Variants in ATP2A3 observed in about 807,000 individuals in gnomAD.
The protein encoded by ATP2A3 is ATPase sarcoplasmic/endoplasmic reticulum Ca2+ transporting 3, also known as sarcoplasmic/endoplasmic reticulum calcium ATPase 3.
In ATP2A3, 61 loss-of-function variants were observed where a neutral mutation model predicts 106.8. The observed-to-expected ratio is 0.57, with a 90% confidence interval of 0.46 to 0.71. ATP2A3 has a LOEUF of 0.71. Among genes scored for constraint, ATP2A3 ranks in the 30% least tolerant of loss-of-function variants. The pLI is 0.00. For synonymous variants in ATP2A3, 611 were observed against 609.3 expected (o/e 1.00, Z -0.04); for missense variants, 1,201 against 1,423.5 (o/e 0.84, Z 2.52).
chr17:3,927,461 C>A (rs2052770226), intron 20 of ATP2A3: 7 of 984,490 alleles, frequency 7.1e-6, no homozygotes, highest in Non-Finnish European at 8.4e-6. Context: ...CAAGGACGGC[C>A]CAGAGGCCTG....
At chr17:3,933,920 T>C (rs2053267512) in intron 17 of ATP2A3, among the ~76,000 whole-genome samples, 1 of 145,552 alleles carries the variant, frequency 6.9e-6, no homozygotes, top group African/African-American at 2.7e-5. Flanking sequence ...TGGTTTTCTT[T>C]TCTTTTCTTT....
rs1478766468 is a variant in ATP2A3 at position 3,952,283 on chromosome 17, C to T, written c.220-598G>A. ...GTATTTTAGTAGAGACGGGGTTTTACCACGTTGCCCAGGCTGAACTCCTGA... is the reference window on the plus strand; with the variant it reads ...GTATTTTAGTAGAGACGGGGTTTTATCACGTTGCCCAGGCTGAACTCCTGA... On this transcript the variant is annotated intron_variant, in intron 3 of 20. Coordinates refer to ENST00000397041, the MANE Select transcript of ATP2A3 (RefSeq NM_005173.4). Among the ~76,000 whole-genome samples the T allele has an allele frequency of 3.9e-5, 6 of 152,194 alleles. No homozygotes were observed. In the East Asian group the frequency reaches 7.7e-4, roughly 20 times the overall value.
chr17:3,949,318 A>T (rs1228013648), intron 7 of ATP2A3, among the ~76,000 whole-genome samples: 1 of 152,082 alleles, frequency 6.6e-6, no homozygotes, highest in Non-Finnish European at 1.5e-5. Flanking sequence ...AGCTGTGAGT[A>T]TCACTTGCTA....
chr17:3,927,955 G>T, intron 20 of ATP2A3: 1 of 1,613,170 alleles, frequency 6.2e-7, no homozygotes, highest in Non-Finnish European at 8.5e-7. Flanking sequence ...CCGCCTCTGC[G>T]CAAATTCCCA....
chr17:3,952,013 T>G (rs2054475578), intron 3 of ATP2A3, among the ~76,000 whole-genome samples: 1 of 152,110 alleles, frequency 6.6e-6, no homozygotes, highest in African/African-American at 2.4e-5. Context: ...TAAGAAATGT[T>G]GATCTTGGGG....
chr17:3,947,508 C>T lies in ATP2A3; in HGVS notation c.978G>A (p.Met326Ile). The change falls in exon 8 of 21, where the codon ATG becomes ATA. Residue 326 changes from methionine (M) to isoleucine (I), a missense_variant. Physicochemically the swap from Met to Ile is conservative, Grantham distance 10 (BLOSUM62 1). Coordinates refer to ENST00000397041, the MANE Select transcript of ATP2A3 (RefSeq NM_005173.4). This position sits in a 1 kb window ranked among gnomAD's most constrained non-coding sequence, Gnocchi z 7.7. The stretch of plus-strand genomic sequence containing the variant: ...TTCGCACGATGGCGTTCTTGCGTGC[C>T]ATGCGCCGCGTGCCCAGTGCCAGGC... ...TTCLALGTRR[M>I]ARKNAIVRSL... is the part of the protein sequence containing the mutation. 1.2e-6 allele frequency: 2 copies of T among 1,613,482 alleles called. No homozygotes were observed. The highest frequency in any genetic ancestry group is 1.7e-6 in the Non-Finnish European group (2 of 1,179,994).
In ATP2A3 at chr17:3,928,041, TG is replaced by T. The variant is rs1443789423; in HGVS notation, c.2980+621del. On this transcript the variant is annotated intron_variant, in intron 20 of 20. Coordinates refer to ENST00000397041, the MANE Select transcript of ATP2A3 (RefSeq NM_005173.4). The surrounding 1 kb of genome is among the most constrained non-coding windows in gnomAD (Gnocchi z 6.1). Reference sequence around the variant, plus strand: ...GAGACGATGCTGTGTCCCTGGCCCTTGGAAGTTCAGAATCACCCACTCTCAG... The same window carrying T: ...GAGACGATGCTGTGTCCCTGGCCCTTGAAGTTCAGAATCACCCACTCTCAG... 3.1e-6 allele frequency: 5 copies of T among 1,613,988 alleles called. No homozygotes were observed. The highest frequency in any genetic ancestry group is 1.3e-5 in the African/African-American group (1 of 75,014).
intron 1 of ATP2A3, among the ~76,000 whole-genome samples, chr17:3,956,919 G>C (rs2054815800): frequency 6.6e-6 from 1 of 152,232 alleles, no homozygotes; most frequent in African/African-American, 2.4e-5. Flanking sequence ...AGCTCCTTGT[G>C]GGGCCTTGAG....
chr17:3,936,192 G>A lies in ATP2A3; in HGVS notation c.2524+75C>T. On this transcript the variant is annotated intron_variant, in intron 16 of 20. Transcript: ENST00000397041. The surrounding 1 kb of genome is among the most constrained non-coding windows in gnomAD (Gnocchi z 5.4). ...GGCACAAGCCAGGCTGAGTCACACT[G>A]TCTGCAGCTTGCAAGCCTGATACAA... 6.4e-7 allele frequency: 1 copy of A among 1,562,524 alleles called. No homozygotes were observed. Among genetic ancestry groups the A allele is most frequent in the Non-Finnish European group, 8.8e-7 (1 of 1,133,950 alleles).
intron 4 of ATP2A3, 22 bp downstream of exon 4, chr17:3,951,559 T>TC: frequency 1.0e-5 from 6 of 596,226 alleles, no homozygotes; most frequent in East Asian, 6.7e-5. Context: ...CCCCGCCCGG[T>TC]CCCACCCCCA....
chr17:3,946,029 C>T (rs1567705439), intron 8 of ATP2A3, among the ~76,000 whole-genome samples: 1 of 151,402 alleles, frequency 6.6e-6, no homozygotes. Context: ...GGGTGGATCA[C>T]GAGGTCAAGC....
chr17:3,946,278 A>G (rs556800966), intron 8 of ATP2A3, among the ~76,000 whole-genome samples: 1 of 146,580 alleles, frequency 6.8e-6, no homozygotes, highest in Admixed American at 6.8e-5. Context: ...AGGGCCGGGC[A>G]CGGTGGCTCA....
intron 14 of ATP2A3, among the ~76,000 whole-genome samples, chr17:3,940,654 T>G (rs1243452269): frequency 6.6e-6 from 1 of 152,044 alleles, no homozygotes; most frequent in Non-Finnish European, 1.5e-5. Flanking sequence ...GTTACAGGAA[T>G]GCACCACCAC....
In ATP2A3 at chr17:3,947,428, G is replaced by T; in HGVS notation, c.1058C>A (p.Thr353Lys). Residue 353 changes from threonine (T) to lysine (K), a missense_variant, in exon 8 of 21, where the codon ACG becomes AAG. Thr to Lys is a moderately conservative substitution (Grantham distance 78, BLOSUM62 -1). Transcript: ENST00000397041. The surrounding 1 kb of genome is among the most constrained non-coding windows in gnomAD (Gnocchi z 7.7). ...GCTSVICSDK[T>K]GTLTTNQMSV... ...CATCTGATTGGTGGTGAGCGTGCCCGTCTTGTCGGAGCAGATGACTGAGGT... is the reference window on the plus strand; with the variant it reads ...CATCTGATTGGTGGTGAGCGTGCCCTTCTTGTCGGAGCAGATGACTGAGGT... 1 of 1,613,880 alleles carries T rather than the reference G, an allele frequency of 6.2e-7. No homozygotes were observed. Among genetic ancestry groups the T allele is most frequent in the Non-Finnish European group, 8.5e-7 (1 of 1,180,024 alleles).
Position 3,930,795 on chromosome 17 carries a change from G to A in ATP2A3, c.2611-361C>T. ...CAACCAACAAAACCATGCGGGAGTG[G>A]AATTCACCTTTGCGGTATAGAAGAT... On this transcript the variant is annotated intron_variant, in intron 17 of 20. Coordinates refer to ENST00000397041, the MANE Select transcript of ATP2A3 (RefSeq NM_005173.4). The surrounding 1 kb of genome is among the most constrained non-coding windows in gnomAD (Gnocchi z 5.4). 2.6e-6 allele frequency: 1 copy of A among 384,022 alleles called. No individual in the cohort carries two copies. The allele number at this position is 384,022 out of a possible 1,614,324, so 23.8% of individuals were successfully genotyped here.
At chr17:3,945,395 A>G in intron 8 of ATP2A3, 1 of 427,146 alleles carries the variant, frequency 2.3e-6, no homozygotes, top group South Asian at 3.3e-5. Flanking sequence ...GATTTATGGC[A>G]GATTCTTCAG....
Position 3,928,731 on chromosome 17 carries a change from A to C in ATP2A3, c.2912T>G (p.Leu971Arg). The change falls in exon 20 of 21, where the codon CTC becomes CGC. Residue 971 changes from leucine (L) to arginine (R), a missense_variant. This residue lies in a region of ATP2A3 where 935 missense variants were observed against 1,176.7 expected (regional missense o/e 0.79). Coordinates refer to ENST00000397041, the MANE Select transcript of ATP2A3 (RefSeq NM_005173.4). The surrounding 1 kb of genome is among the most constrained non-coding windows in gnomAD (Gnocchi z 6.1). ...CAGGATGACAGGCAGAGATATCTGG[A>C]GCACCACCACCCACTGGCGCCCGCT... ...PLSGRQWVVVLQISLPVILLD... is the reference protein window; with the variant it reads ...PLSGRQWVVVRQISLPVILLD... 1.3e-6 allele frequency: 2 copies of C among 1,551,824 alleles called. No homozygotes were observed. Among genetic ancestry groups the C allele is most frequent in the Non-Finnish European group, 1.7e-6 (2 of 1,147,438 alleles).
intron 10 of ATP2A3, 31 bp downstream of exon 10, chr17:3,944,673 T>G (rs565525603): frequency 3.1e-6 from 5 of 1,603,422 alleles, no homozygotes. Context: ...GCCTGGATAC[T>G]AGGGAGGTCA....
chr17:3,958,887 C>CACATAT lies in ATP2A3; in HGVS notation c.119-5178_119-5177insATATGT, dbSNP rs1354215003. 9.7e-4 allele frequency among the ~76,000 whole-genome samples: 97 copies of CACATAT among 99,910 alleles called. 5 individuals are homozygous for CACATAT. The highest frequency in any genetic ancestry group is 3.4e-3 in the African/African-American group (71 of 21,030). The allele number at this position is 99,910 out of a possible 152,430, so 65.5% of individuals were successfully genotyped here. On this transcript the variant is annotated intron_variant, in intron 1 of 20. Transcript: ENST00000397041. ...ATATATATACACACACACACACACA[C>CACATAT]ATATATATATATTGTTTTTTTTCAG...
Sources: allele counts gnomAD v4.1 joint callset (sites outside exome capture counted in the v4.1 genomes callset), GRCh38; gene constraint gnomAD v4.1.1; regional missense constraint gnomAD v4.1.1; non-coding constraint Gnocchi (gnomAD v3.1); transcripts MANE v1.5; gene names NCBI Gene and HGNC (gene_info 2026-07-23, HGNC 2026-07-21).